The following ART4 variants were observed in gnomAD, a reference collection of about 807,000 sequenced individuals.
The protein encoded by ART4 is ADP-ribosyltransferase 4 (inactive) (Dombrock blood group).
Under a neutral mutation model 24.2 loss-of-function variants are expected in ART4, and 14 were observed. That is an observed-to-expected ratio of 0.58 (90% confidence interval 0.38 to 0.90). The LOEUF (loss-of-function observed/expected upper bound fraction) is 0.90, where lower values mean the gene tolerates loss of function less well. Ranked by LOEUF, ART4 falls within the 40% of genes least tolerant of loss-of-function variation. The pLI, the probability that ART4 is intolerant of heterozygous loss-of-function variation, is 0.00. For synonymous variants in ART4, 145 were observed against 139.9 expected (o/e 1.04, Z -0.26); for missense variants, 356 against 366.6 (o/e 0.97, Z 0.24).
At chr12:14,831,980 G>A in intron 2 of ART4, among the ~76,000 whole-genome samples, 1 of 151,730 alleles carries the variant, frequency 6.6e-6, no homozygotes, top group Non-Finnish European at 1.5e-5. Context: ...ACCTCCTTTT[G>A]GCTCTGAATC....
At chr12:14,837,774 CA>C (rs1280647206) in intron 2 of ART4, among the ~76,000 whole-genome samples, 1 of 152,180 alleles carries the variant, frequency 6.6e-6, no homozygotes, top group Non-Finnish European at 1.5e-5. Flanking sequence ...CTCGGCCTCC[CA>C]AAATGCTGGG....
intron 2 of ART4, 60 bp from the exon 3 acceptor site, chr12:14,829,522 C>T: frequency 8.6e-7 from 1 of 1,158,576 alleles, no homozygotes; most frequent in South Asian, 1.4e-5. Flanking sequence ...AAAACTACCT[C>T]ATCTATCCAT....
At chr12:14,836,889 T>C (rs1950434674) in intron 2 of ART4, among the ~76,000 whole-genome samples, 2 of 152,156 alleles carry the variant, frequency 1.3e-5, no homozygotes, top group South Asian at 4.1e-4. Flanking sequence ...ATAAAGAAAA[T>C]ATTAAGTTGA....
chr12:14,841,065 G>GT lies in ART4; in HGVS notation c.232dup (p.Thr78AsnfsTer18). 1 of 1,614,152 alleles carries GT rather than the reference G, an allele frequency of 6.2e-7. No homozygotes were observed. The highest frequency in any genetic ancestry group is 1.1e-5 in the South Asian group (1 of 91,082). Reference sequence around the variant, plus strand: ...GTCTTTTGTGAAATAATCCCCTTGAGTTAGTTTCTCCATAACCTGTTTGCT... The same window carrying GT: ...GTCTTTTGTGAAATAATCCCCTTGAGTTTAGTTTCTCCATAACCTGTTTGCT... On this transcript the variant is annotated frameshift_variant, in exon 2 of 3. Transcript: ENST00000228936. LOFTEE classifies it high-confidence loss of function.
At chr12:14,837,490 C>G (rs1592250157) in intron 2 of ART4, among the ~76,000 whole-genome samples, 1 of 152,000 alleles carries the variant, frequency 6.6e-6, no homozygotes, top group South Asian at 2.1e-4. Context: ...TTATTATATG[C>G]TATAGAATAT....
At chr12:14,841,551 T>A (rs899118952) in intron 1 of ART4, among the ~76,000 whole-genome samples, 2 of 152,240 alleles carry the variant, frequency 1.3e-5, no homozygotes, top group East Asian at 3.8e-4. Flanking sequence ...ATATCACTTT[T>A]ATGAATGCCC....
At chr12:14,836,229 T>G (rs1950429973) in intron 2 of ART4, among the ~76,000 whole-genome samples, 1 of 152,206 alleles carries the variant, frequency 6.6e-6, no homozygotes, top group Non-Finnish European at 1.5e-5. Flanking sequence ...TTCTTTCTAT[T>G]AAGTTGAGAA....
Position 14,829,972 on chromosome 12 carries a change from TA to T in ART4, c.854-511del, listed in dbSNP as rs1414478067. On this transcript the variant is annotated intron_variant, in intron 2 of 2. Transcript: ENST00000228936. ...AAACTTGCCAGTGTCACACATCTTG[TA>T]AATAGTATAGGCACCATTCAAACTT... Among the ~76,000 whole-genome samples the T allele has an allele frequency of 4.6e-5, 7 of 152,328 alleles. 1 individual carries two copies. The South Asian group carries it at 1.0e-3, about 23-fold the overall frequency.
Position 14,842,963 on chromosome 12 carries a change from C to G in ART4, c.144+7G>C. 6.2e-7 allele frequency: 1 copy of G among 1,608,672 alleles called. No individual in the cohort carries two copies. Among genetic ancestry groups the G allele is most frequent in the South Asian group, 1.1e-5 (1 of 90,320 alleles). ...TAAAGAGATCACCCCCTCAATTGTC[C>G]CCCTACCTCAGAACCCTCTGTGGGT... On this transcript the variant is annotated splice_region_variant and intron_variant, in intron 1 of 2. Transcript: ENST00000228936.
chr12:14,843,124 C>G lies in ART4; in HGVS notation c.-11G>C. 6.2e-7 allele frequency: 1 copy of G among 1,613,776 alleles called. No homozygotes were observed. Among genetic ancestry groups the G allele is most frequent in the Non-Finnish European group, 8.5e-7 (1 of 1,179,836 alleles). On this transcript the variant is annotated 5_prime_UTR_variant, in exon 1 of 3. Coordinates refer to ENST00000228936, the MANE Select transcript of ART4 (RefSeq NM_021071.4). ...GATCAATGGACCCATTTGCTTGTGTCACAAGTACTTCTCCTTTGCCCTTGC... is the reference window on the plus strand; with the variant it reads ...GATCAATGGACCCATTTGCTTGTGTGACAAGTACTTCTCCTTTGCCCTTGC...
intron 2 of ART4, 135 bp from the exon 3 acceptor site, chr12:14,829,597 A>G (rs1950380668): frequency 1.7e-6 from 1 of 600,528 alleles, no homozygotes; most frequent in South Asian, 2.4e-5. Context: ...CTTAAAACAC[A>G]TTATTTTAGA....
At chr12:14,842,144 A>T (rs1444993254) in intron 1 of ART4, among the ~76,000 whole-genome samples, 11 of 152,210 alleles carry the variant, frequency 7.2e-5, no homozygotes, top group South Asian at 2.1e-4. Context: ...AAGTCCACAA[A>T]ATATCATCAG....
chr12:14,840,433 G>T lies in ART4; in HGVS notation c.853+12C>A. ...TGTGATCCTGAGTGGCCTCAATTTA[G>T]ATAAAGAATACCTTTTAGCAGCTGA... is the stretch of plus-strand genomic sequence containing the variant. On this transcript the variant is annotated intron_variant, in intron 2 of 2. Coordinates refer to ENST00000228936, the MANE Select transcript of ART4 (RefSeq NM_021071.4). 2 of 1,580,970 alleles carry T rather than the reference G, an allele frequency of 1.3e-6. No homozygotes were observed. Among genetic ancestry groups the T allele is most frequent in the Non-Finnish European group, 8.6e-7 (1 of 1,166,912 alleles).
intron 1 of ART4, among the ~76,000 whole-genome samples, 170 bp downstream of exon 1, chr12:14,842,800 A>G (rs1863072777): frequency 6.6e-6 from 1 of 152,248 alleles, no homozygotes; most frequent in African/African-American, 2.4e-5. Flanking sequence ...AGGATTCTAC[A>G]ATTTTTCATA....
At position 14,843,283 on chromosome 12, in the gene ART4, A is replaced by G. The variant is rs1244059168; in HGVS notation, c.-170T>C. 1 of 700,154 alleles carries G rather than the reference A, an allele frequency of 1.4e-6. No individual in the cohort carries two copies. Among genetic ancestry groups the G allele is most frequent in the Non-Finnish European group, 2.3e-6 (1 of 433,792 alleles). The allele number at this position is 700,154 out of a possible 1,614,324, so 43.4% of individuals were successfully genotyped here. A position where few individuals can be genotyped will look rare whatever the true frequency, so the allele number is the denominator to read the frequency against. ...AACAACCAATAGCTTGTCTGAGGGAAGAAATCAACTCCGACTTCTTTGCAA... is the reference window on the plus strand; with the variant it reads ...AACAACCAATAGCTTGTCTGAGGGAGGAAATCAACTCCGACTTCTTTGCAA... On this transcript the variant is annotated 5_prime_UTR_variant, in exon 1 of 3. Coordinates refer to ENST00000228936, the MANE Select transcript of ART4 (RefSeq NM_021071.4).
At chr12:14,841,264 C>G (rs1863049001) in intron 1 of ART4, 111 bp from the exon 2 acceptor site, 2 of 934,608 alleles carry the variant, frequency 2.1e-6, no homozygotes, top group African/African-American at 3.3e-5. Context: ...CCAATATTTA[C>G]TGAAGTAAGT....
rs185001341 is a variant in ART4 at position 14,842,962 on chromosome 12, C to G, written c.144+8G>C. Reference sequence around the variant, plus strand: ...ATAAAGAGATCACCCCCTCAATTGTCCCCCTACCTCAGAACCCTCTGTGGG... The same window carrying G: ...ATAAAGAGATCACCCCCTCAATTGTGCCCCTACCTCAGAACCCTCTGTGGG... On this transcript the variant is annotated splice_region_variant and intron_variant, in intron 1 of 2. Coordinates refer to ENST00000228936, the MANE Select transcript of ART4 (RefSeq NM_021071.4). 379 of 1,608,402 alleles carry G rather than the reference C, an allele frequency of 2.4e-4. 1 individual carries two copies. Among genetic ancestry groups the G allele is most frequent in the Admixed American group, 3.9e-4 (23 of 59,182 alleles).
chr12:14,841,578 C>G (rs11056202), intron 1 of ART4, among the ~76,000 whole-genome samples: 51,589 of 151,986 alleles, frequency 0.34, 9,313 homozygotes, highest in Middle Eastern at 0.4. Context: ...AAATTAAATC[C>G]TTGAACTTTA....
intron 2 of ART4, among the ~76,000 whole-genome samples, chr12:14,836,312 C>T (rs1472174467): frequency 6.6e-6 from 1 of 151,982 alleles, no homozygotes; most frequent in African/African-American, 2.4e-5. Flanking sequence ...TATTCTTTCA[C>T]TTTGGGGCCA....
Sources: gnomAD v4.1 joint callset for allele counts (sites outside exome capture counted in the v4.1 genomes callset) on GRCh38, gnomAD v4.1.1 for gene constraint, MANE v1.5 for transcripts, NCBI Gene and HGNC (gene_info 2026-07-23, HGNC 2026-07-21) for gene names.